RFX3: variants seen among roughly 807,000 people sequenced by gnomAD.
RFX3 encodes the protein regulatory factor X3, also known as transcription factor RFX3.
In RFX3, 14 loss-of-function variants were observed where a neutral mutation model predicts 98.6. The observed-to-expected ratio is 0.14, with a 90% confidence interval of 0.09 to 0.22. RFX3 has a LOEUF of 0.22. Among genes scored for constraint, RFX3 ranks in the 10% least tolerant of loss-of-function variants. The probability of loss-of-function intolerance (pLI) is 1.00; values close to 1 mark genes in which losing one functional copy is unlikely to be tolerated. For missense variants in RFX3, 639 were observed against 926.9 expected, an observed-to-expected ratio of 0.69 and a Z score of 4.03; for synonymous variants, 383 against 328.4, an observed-to-expected ratio of 1.17 and a Z score of -1.80.
chr9:3,429,134 T>C (rs929103055), intron 1 of RFX3, among the ~76,000 whole-genome samples: 62 of 151,034 alleles, frequency 4.1e-4, no homozygotes, highest in Non-Finnish European at 7.8e-4. Context: ...GCCATTCTCC[T>C]GCCTCAGCCT....
intron 1 of RFX3, among the ~76,000 whole-genome samples, chr9:3,424,882 G>C (rs1018484783): frequency 2.6e-5 from 4 of 152,098 alleles, no homozygotes; most frequent in Admixed American, 1.3e-4. Context: ...AAAACTTCAA[G>C]TGGCGATGAG....
chr9:3,496,192 C>A (rs1198223330), intron 1 of RFX3, among the ~76,000 whole-genome samples: 2 of 151,866 alleles, frequency 1.3e-5, no homozygotes, highest in African/African-American at 4.8e-5. Context: ...ATACGAGCCT[C>A]GTTGTATATA....
intron 14 of RFX3, among the ~76,000 whole-genome samples, chr9:3,253,900 AT>A (rs1246663630): frequency 6.6e-6 from 1 of 152,136 alleles, no homozygotes. Context: ...ATTACTCAAT[AT>A]GTTCTTATGT....
At chr9:3,503,484 A>G (rs1243797471) in intron 1 of RFX3, among the ~76,000 whole-genome samples, 2 of 152,156 alleles carry the variant, frequency 1.3e-5, no homozygotes, top group African/African-American at 4.8e-5. Context: ...TGTACATTTC[A>G]TAATGGATGA....
chr9:3,254,432 G>A (rs1393853060), intron 14 of RFX3, among the ~76,000 whole-genome samples: 1 of 152,116 alleles, frequency 6.6e-6, no homozygotes, highest in Non-Finnish European at 1.5e-5. Context: ...TCAGTGTACT[G>A]CTGTTTCATC....
At chr9:3,502,588 A>G (rs1463551212) in intron 1 of RFX3, among the ~76,000 whole-genome samples, 6 of 152,234 alleles carry the variant, frequency 3.9e-5, no homozygotes, top group Non-Finnish European at 4.4e-5. Context: ...ACTAAATTTG[A>G]AAAATTATAC....
At chr9:3,272,528 A>T (rs2131360760) in intron 9 of RFX3, among the ~76,000 whole-genome samples, 1 of 152,338 alleles carries the variant, frequency 6.6e-6, no homozygotes. Context: ...GTCCTCAGTA[A>T]CAATAAAAAT....
chr9:3,451,253 T>C (rs891723964), intron 1 of RFX3, among the ~76,000 whole-genome samples: 4 of 152,176 alleles, frequency 2.6e-5, no homozygotes, highest in African/African-American at 9.6e-5. Context: ...TTTATATATG[T>C]AAATGACTGA....
chr9:3,348,876 G>A (rs1385991356), intron 2 of RFX3, among the ~76,000 whole-genome samples: 1 of 151,908 alleles, frequency 6.6e-6, no homozygotes, highest in Non-Finnish European at 1.5e-5. Flanking sequence ...GCTACTTTCT[G>A]TTATAACAAG....
intron 4 of RFX3, among the ~76,000 whole-genome samples, chr9:3,328,356 T>C (rs1563933489): frequency 6.6e-6 from 1 of 152,176 alleles, no homozygotes; most frequent in South Asian, 2.1e-4. Flanking sequence ...GTAAATCTAA[T>C]GGTGCTAAAG....
intron 1 of RFX3, among the ~76,000 whole-genome samples, chr9:3,406,149 G>A (rs780066015): frequency 1.3e-5 from 2 of 151,704 alleles, no homozygotes; most frequent in Non-Finnish European, 2.9e-5. Context: ...TTTTTGTAGA[G>A]ACAGGGTTTC....
intron 4 of RFX3, among the ~76,000 whole-genome samples, chr9:3,322,617 C>T (rs1790877041): frequency 6.6e-6 from 1 of 152,002 alleles, no homozygotes; most frequent in African/African-American, 2.4e-5. Context: ...CCTGTAATCC[C>T]AGTTACTAGG....
At chr9:3,452,630 T>G (rs1034895752) in intron 1 of RFX3, among the ~76,000 whole-genome samples, 2 of 152,190 alleles carry the variant, frequency 1.3e-5, no homozygotes, top group African/African-American at 4.8e-5. Flanking sequence ...AACCACAATT[T>G]AGATACAATG....
intron 4 of RFX3, among the ~76,000 whole-genome samples, chr9:3,322,178 A>G (rs1174444124): frequency 6.6e-6 from 1 of 152,184 alleles, no homozygotes; most frequent in Non-Finnish European, 1.5e-5. Context: ...GATTGAGATT[A>G]TGTTGAAACA....
At position 3,222,292 on chromosome 9, in the gene RFX3, G is replaced by A. The variant is rs1817378480; in HGVS notation, c.*2750C>T. ...GAATATTCCTAATATTCATAAAGGAGATCAGAATATTTTTATTGAGTCAAG... is the reference window on the plus strand; with the variant it reads ...GAATATTCCTAATATTCATAAAGGAAATCAGAATATTTTTATTGAGTCAAG... On this transcript the variant is annotated 3_prime_UTR_variant, in exon 17 of 17. Transcript: ENST00000617270. 2 of 152,056 alleles carry A rather than the reference G, an allele frequency of 1.3e-5. No homozygotes were observed. Among genetic ancestry groups the A allele is most frequent in the South Asian group, 4.1e-4 (2 of 4,830 alleles). The allele number at this position is 152,056 out of a possible 1,614,324, so 9.4% of individuals were successfully genotyped here.
In RFX3 at chr9:3,514,649, A is replaced by G. The variant is rs114496779; in HGVS notation, c.-9+11098T>C. Among the ~76,000 whole-genome samples, 165 of 152,246 alleles carry G rather than the reference A, an allele frequency of 1.1e-3. 1 individual carries two copies. Among genetic ancestry groups the G allele is most frequent in the African/African-American group, 3.9e-3 (162 of 41,548 alleles). On this transcript the variant is annotated intron_variant, in intron 1 of 16. Transcript: ENST00000617270. ...TTTTTTGTAGAAACAGGGTCTCACT[A>G]TGTTGCCCACACTAGTCTTGAACTC...
chr9:3,412,181 T>C (rs990471023), intron 1 of RFX3, among the ~76,000 whole-genome samples: 1 of 152,178 alleles, frequency 6.6e-6, no homozygotes, highest in Non-Finnish European at 1.5e-5. Context: ...AACTACTTCA[T>C]AATAAGACCA....
intron 3 of RFX3, 128 bp from the exon 4 acceptor site, chr9:3,330,645 T>C: frequency 1.2e-6 from 1 of 831,538 alleles, no homozygotes; most frequent in Non-Finnish European, 1.8e-6. Context: ...GTTTCGCATT[T>C]TGTACAAAAC....
intron 2 of RFX3, among the ~76,000 whole-genome samples, chr9:3,377,110 T>G (rs984091581): frequency 4.6e-5 from 7 of 152,180 alleles, no homozygotes; most frequent in African/African-American, 1.4e-4. Flanking sequence ...ACCCAAAGGA[T>G]TATAAATCAT....
Sources: allele counts gnomAD v4.1 joint callset (sites outside exome capture counted in the v4.1 genomes callset), GRCh38; gene constraint gnomAD v4.1.1; transcripts MANE v1.5; gene names NCBI Gene and HGNC (gene_info 2026-07-23, HGNC 2026-07-21).